WDR48: variants seen among roughly 807,000 people sequenced by gnomAD.
WDR48 encodes the protein WD repeat domain 48.
Under a neutral mutation model 94.0 loss-of-function variants are expected in WDR48, and 22 were observed. The ratio of observed to expected loss-of-function variants is 0.23; its 90% CI spans 0.17 to 0.33. WDR48 has a LOEUF of 0.33. Ranked by LOEUF, WDR48 falls within the 10% of genes least tolerant of loss-of-function variation. The pLI is 1.00. For missense variants in WDR48, 541 were observed against 813.8 expected (o/e 0.66, Z 4.08); for synonymous variants, 278 against 280.5 (o/e 0.99, Z 0.09).
intron 17 of WDR48, among the ~76,000 whole-genome samples, chr3:39,092,166 T>C (rs1179798567): frequency 6.6e-6 from 1 of 152,200 alleles, no homozygotes. Flanking sequence ...AGAGAGACCC[T>C]GTCTCTAAGA....
At chr3:39,094,491 A>C in intron 18 of WDR48, 157 bp from the exon 19 acceptor site, 2 of 1,535,660 alleles carry the variant, frequency 1.3e-6, no homozygotes, top group Admixed American at 3.9e-5. Context: ...GCTCAATTTC[A>C]TTCCCGCATG....
chr3:39,063,841 G>A (rs180746560), intron 2 of WDR48, among the ~76,000 whole-genome samples: 6 of 152,224 alleles, frequency 3.9e-5, no homozygotes, highest in South Asian at 2.1e-4. Context: ...CCAGCTACTC[G>A]GGGAGCTGAG....
chr3:39,084,117 A>G (rs1559621631), intron 11 of WDR48, 38 bp from the exon 12 acceptor site: 2 of 1,511,732 alleles, frequency 1.3e-6, no homozygotes, highest in Non-Finnish European at 1.8e-6. Flanking sequence ...TGAATTCACC[A>G]CTTAATATTG....
intron 11 of WDR48, 31 bp from the exon 12 acceptor site, chr3:39,084,118 CTTAATA>C (rs59046184): frequency 0.12 from 177,222 of 1,532,780 alleles, 11,028 homozygotes; most frequent in African/African-American, 0.22. Flanking sequence ...GAATTCACCA[CTTAATA>C]TTGATCATTA....
At chr3:39,083,703 G>A (rs1483247885) in intron 11 of WDR48, among the ~76,000 whole-genome samples, 1 of 152,180 alleles carries the variant, frequency 6.6e-6, no homozygotes, top group African/African-American at 2.4e-5. Context: ...GTTGCTAGAT[G>A]GCAGTGAAGG....
chr3:39,084,582 G>T, intron 12 of WDR48, 63 bp from the exon 13 acceptor site: 1 of 1,447,010 alleles, frequency 6.9e-7, no homozygotes. Flanking sequence ...ATAAATGAAG[G>T]TTTAGAGACT....
intron 7 of WDR48, among the ~76,000 whole-genome samples, chr3:39,074,480 A>G (rs1169061346): frequency 6.6e-6 from 1 of 152,258 alleles, no homozygotes; most frequent in Non-Finnish European, 1.5e-5. Context: ...TTACTTGCAG[A>G]TTAGTGAATT....
intron 8 of WDR48, among the ~76,000 whole-genome samples, chr3:39,076,418 C>G (rs2034226956): frequency 2.0e-5 from 3 of 152,162 alleles, no homozygotes; most frequent in Admixed American, 2.0e-4. Flanking sequence ...CTGCCTGGAT[C>G]TCTTGCCGGG....
At chr3:39,070,982 T>G (rs2033901638) in intron 7 of WDR48, among the ~76,000 whole-genome samples, 1 of 152,188 alleles carries the variant, frequency 6.6e-6, no homozygotes, top group African/African-American at 2.4e-5. Flanking sequence ...GATTTCCAAT[T>G]TCATCCATGT....
rs531281428 is a variant in WDR48 at position 39,085,407 on chromosome 3, A to C, written c.1379-108A>C. ...TAGACATCATTCGCATTGGGTTAAG[A>C]ATGTAACATCAGAATATGTACAAAC... is the stretch of plus-strand genomic sequence containing the variant. On this transcript the variant is annotated intron_variant, in intron 13 of 18. Transcript: ENST00000302313. 6.7e-5 allele frequency: 60 copies of C among 893,164 alleles called. No homozygotes were observed. In the South Asian group the frequency reaches 7.9e-4, roughly 12 times the overall value. The allele number at this position is 893,164 out of a possible 1,614,324, so 55.3% of individuals were successfully genotyped here.
chr3:39,074,978 T>C, intron 8 of WDR48, 28 bp downstream of exon 8: 1 of 1,604,900 alleles, frequency 6.2e-7, no homozygotes. Context: ...ATTTTAGTTT[T>C]ATAATTAAGG....
chr3:39,062,922 GT>G, intron 1 of WDR48, 127 bp from the exon 2 acceptor site: 1 of 1,202,044 alleles, frequency 8.3e-7, no homozygotes, highest in African/African-American at 1.5e-5. Flanking sequence ...ATTTAAATTT[GT>G]ATTGGGTTGA....
chr3:39,094,592 T>C, intron 18 of WDR48, 56 bp from the exon 19 acceptor site: 1 of 1,607,172 alleles, frequency 6.2e-7, no homozygotes, highest in Non-Finnish European at 8.5e-7. Context: ...GAGTTAATGA[T>C]AAGGTTTTAG....
chr3:39,094,641 T>C lies in WDR48; in HGVS notation c.1939-7T>C. 1 of 1,614,102 alleles carries C rather than the reference T, an allele frequency of 6.2e-7. No homozygotes were observed. On this transcript the variant is annotated splice_polypyrimidine_tract_variant and splice_region_variant and intron_variant, in intron 18 of 18. Coordinates refer to ENST00000302313, the MANE Select transcript of WDR48 (RefSeq NM_020839.4). ...TGAAATTTTTAAATTTAATTTTGGC[T>C]ATTCAGGTTTTGGATCCAAATATGG...
intron 3 of WDR48, 122 bp from the exon 4 acceptor site, chr3:39,066,426 A>G: frequency 2.5e-6 from 2 of 809,966 alleles, no homozygotes; most frequent in South Asian, 1.8e-5. Flanking sequence ...GCTTTTAGGT[A>G]TGTTTGTGTG....
At position 39,063,040 on chromosome 3, in the gene WDR48, C is replaced by T; in HGVS notation, c.49-10C>T. The T allele has an allele frequency of 6.2e-7, 1 of 1,613,796 alleles. No individual in the cohort carries two copies. The highest frequency in any genetic ancestry group is 8.5e-7 in the Non-Finnish European group (1 of 1,179,828). On this transcript the variant is annotated splice_polypyrimidine_tract_variant and intron_variant, in intron 1 of 18. Coordinates refer to ENST00000302313, the MANE Select transcript of WDR48 (RefSeq NM_020839.4). ...ACTTTATAAAAAGCATATGTTGACA[C>T]ATTTGTCAGGTTTCCTATGTTATTC...
intron 9 of WDR48, chr3:39,077,918 G>A (rs2034311088): frequency 2.3e-6 from 1 of 437,230 alleles, no homozygotes; most frequent in Non-Finnish European, 4.1e-6. Context: ...CTGCTTTCAT[G>A]CATAGTTTTC....
intron 2 of WDR48, among the ~76,000 whole-genome samples, chr3:39,064,544 G>A (rs999135930): frequency 5.3e-5 from 8 of 152,096 alleles, no homozygotes; most frequent in Non-Finnish European, 8.8e-5. Flanking sequence ...CAAAGTGCTG[G>A]TATTACAGGC....
intron 11 of WDR48, among the ~76,000 whole-genome samples, chr3:39,083,432 C>A (rs2034636856): frequency 6.6e-6 from 1 of 152,130 alleles, no homozygotes. Flanking sequence ...AATACAAGGT[C>A]ATCCCAAGAA....
Sources: allele counts gnomAD v4.1 joint callset (sites outside exome capture counted in the v4.1 genomes callset), GRCh38; gene constraint gnomAD v4.1.1; transcripts MANE v1.5; gene names NCBI Gene and HGNC (gene_info 2026-07-23, HGNC 2026-07-21).